Variants in NXPH1 observed in about 807,000 individuals in gnomAD.
NXPH1 encodes the protein neurexophilin-1.
Under a neutral mutation model 23.7 loss-of-function variants are expected in NXPH1, and 5 were observed. That is an observed-to-expected ratio of 0.21 (90% CI 0.11 to 0.44). The LOEUF is 0.44. Ranked by LOEUF, NXPH1 falls within the 20% of genes least tolerant of loss-of-function variation. The pLI, the probability that NXPH1 is intolerant of heterozygous loss-of-function variation, is 0.99. For synonymous variants in NXPH1, 144 were observed against 122.2 expected, an observed-to-expected ratio of 1.18 and a Z score of -1.18; for missense variants, 324 against 321.6, an observed-to-expected ratio of 1.01 and a Z score of -0.06.
intron 2 of NXPH1, among the ~76,000 whole-genome samples, chr7:8,572,081 T>C (rs1458225268): frequency 1.3e-5 from 2 of 152,042 alleles, no homozygotes; most frequent in East Asian, 3.9e-4. Flanking sequence ...CCCAGTTAAA[T>C]CTGAATCTTA....
At chr7:8,594,670 C>T (rs1034875229) in intron 2 of NXPH1, among the ~76,000 whole-genome samples, 3 of 151,756 alleles carry the variant, frequency 2.0e-5, no homozygotes, top group East Asian at 1.9e-4. Context: ...TGTCTGGCCT[C>T]GGTGGAACCT....
intron 2 of NXPH1, among the ~76,000 whole-genome samples, chr7:8,728,896 A>G (rs902981301): frequency 2.0e-5 from 3 of 151,156 alleles, no homozygotes; most frequent in African/African-American, 7.3e-5. Flanking sequence ...ATTGATTGGA[A>G]TAGTTTCAGA....
At chr7:8,470,772 T>A (rs1329286517) in intron 2 of NXPH1, among the ~76,000 whole-genome samples, 1 of 152,172 alleles carries the variant, frequency 6.6e-6, no homozygotes, top group Non-Finnish European at 1.5e-5. Context: ...CATAAAAACA[T>A]TGTTGCAAAG....
chr7:8,592,824 G>A (rs543128175), intron 2 of NXPH1, among the ~76,000 whole-genome samples: 40 of 136,542 alleles, frequency 2.9e-4, no homozygotes, highest in African/African-American at 1.2e-3. Context: ...TTGTGAAATA[G>A]TCTTTTTTTT....
chr7:8,684,426 A>G (rs1032607452), intron 2 of NXPH1, among the ~76,000 whole-genome samples: 2 of 152,156 alleles, frequency 1.3e-5, no homozygotes, highest in African/African-American at 4.8e-5. Context: ...CTTTCAGGCC[A>G]TATTCTGGTT....
chr7:8,691,390 C>G (rs1233963927), intron 2 of NXPH1, among the ~76,000 whole-genome samples: 1 of 152,070 alleles, frequency 6.6e-6, no homozygotes, highest in Non-Finnish European at 1.5e-5. Context: ...CTCAGGTGAC[C>G]CGCTCTCCTC....
At chr7:8,644,393 T>A (rs1820362778) in intron 2 of NXPH1, among the ~76,000 whole-genome samples, 1 of 152,170 alleles carries the variant, frequency 6.6e-6, no homozygotes, top group Non-Finnish European at 1.5e-5. Flanking sequence ...GGAAGAAAGG[T>A]TCTCACCTTG....
In NXPH1 at chr7:8,509,905, G is replaced by A. The variant is rs184405617; in HGVS notation, c.54+74138G>A. Among the ~76,000 whole-genome samples the A allele has an allele frequency of 2.9e-3, 449 of 152,212 alleles. 1 individual carries two copies. The highest frequency in any genetic ancestry group is 0.024 in the Middle Eastern group (7 of 294). Reference sequence around the variant, plus strand: ...TTAGCAATGATTATTTCTTCTTAAAGCAACATCTGCTTAATGACAGCTCTT... The same window carrying A: ...TTAGCAATGATTATTTCTTCTTAAAACAACATCTGCTTAATGACAGCTCTT... On this transcript the variant is annotated intron_variant, in intron 2 of 2. Coordinates refer to ENST00000405863, the MANE Select transcript of NXPH1 (RefSeq NM_152745.3).
chr7:8,711,559 G>T (rs1047893512), intron 2 of NXPH1, among the ~76,000 whole-genome samples: 3 of 152,122 alleles, frequency 2.0e-5, no homozygotes, highest in Non-Finnish European at 1.5e-5. Flanking sequence ...TGTCAACATG[G>T]GCTGGCACAA....
intron 2 of NXPH1, among the ~76,000 whole-genome samples, chr7:8,486,084 C>G (rs1379189841): frequency 6.6e-6 from 1 of 152,084 alleles, no homozygotes; most frequent in Non-Finnish European, 1.5e-5. Flanking sequence ...CCATAAATGC[C>G]ATTTCTTTCC....
At chr7:8,447,654 C>T (rs1222837870) in intron 2 of NXPH1, among the ~76,000 whole-genome samples, 2 of 152,216 alleles carry the variant, frequency 1.3e-5, no homozygotes, top group Non-Finnish European at 2.9e-5. Context: ...CTTGAATAAA[C>T]ATTCTGAAGT....
chr7:8,597,633 G>T (rs1819254698), intron 2 of NXPH1, among the ~76,000 whole-genome samples: 1 of 146,850 alleles, frequency 6.8e-6, no homozygotes, highest in Non-Finnish European at 1.5e-5. Flanking sequence ...GTTGTCTAAA[G>T]AATTAGAAGA....
chr7:8,607,272 C>A (rs897705674), intron 2 of NXPH1, among the ~76,000 whole-genome samples: 1 of 152,058 alleles, frequency 6.6e-6, no homozygotes, highest in Non-Finnish European at 1.5e-5. Flanking sequence ...ATTTTACATG[C>A]TCTGGGTGAT....
chr7:8,467,113 T>C (rs1816799156), intron 2 of NXPH1, among the ~76,000 whole-genome samples: 1 of 152,200 alleles, frequency 6.6e-6, no homozygotes, highest in African/African-American at 2.4e-5. Context: ...ATTTGGTATA[T>C]GAATCTTGGA....
At chr7:8,545,576 ACTTT>A (rs1419734369) in intron 2 of NXPH1, among the ~76,000 whole-genome samples, 1 of 151,394 alleles carries the variant, frequency 6.6e-6, no homozygotes, top group Non-Finnish European at 1.5e-5. Context: ...TCTGCAAATA[ACTTT>A]CTTTTTCTAT....
At chr7:8,449,256 A>C (rs115627977) in intron 2 of NXPH1, among the ~76,000 whole-genome samples, 154 of 152,350 alleles carry the variant, frequency 1.0e-3, no homozygotes, top group African/African-American at 3.7e-3. Context: ...GCTGCTAAAA[A>C]TATCTTGTAT....
chr7:8,494,086 T>G (rs1445978999), intron 2 of NXPH1, among the ~76,000 whole-genome samples: 2 of 152,006 alleles, frequency 1.3e-5, no homozygotes, highest in Non-Finnish European at 2.9e-5. Flanking sequence ...TTGAAGGCCT[T>G]TACTGGGAAT....
intron 2 of NXPH1, among the ~76,000 whole-genome samples, chr7:8,554,330 C>G (rs1818322084): frequency 6.6e-6 from 1 of 151,602 alleles, no homozygotes; most frequent in African/African-American, 2.4e-5. Flanking sequence ...GGGGATGATG[C>G]ACTTGTCAGA....
intron 2 of NXPH1, among the ~76,000 whole-genome samples, chr7:8,714,699 G>C (rs1193314076): frequency 6.6e-6 from 1 of 152,112 alleles, no homozygotes; most frequent in Non-Finnish European, 1.5e-5. Context: ...AAGGCAGCAG[G>C]TTCCTTTCTG....
Sources: allele counts gnomAD v4.1 joint callset (sites outside exome capture counted in the v4.1 genomes callset), GRCh38; gene constraint gnomAD v4.1.1; transcripts MANE v1.5; gene names NCBI Gene and HGNC (gene_info 2026-07-23, HGNC 2026-07-21).